CCDC7: variants seen among roughly 807,000 people sequenced by gnomAD.
CCDC7 encodes coiled-coil domain containing 7, also known as coiled-coil domain-containing protein 7.
In CCDC7, 183 loss-of-function variants were observed where a neutral mutation model predicts 196.9. The observed-to-expected ratio is 0.93, with a 90% CI of 0.82 to 1.05. The LOEUF (loss-of-function observed/expected upper bound fraction) is 1.05, where lower values mean the gene tolerates loss of function less well. Ranked by LOEUF, CCDC7 falls within the 50% of genes least tolerant of loss-of-function variation. The probability of loss-of-function intolerance (pLI) is 0.00; values close to 1 mark genes in which losing one functional copy is unlikely to be tolerated. For missense variants in CCDC7, 1,540 were observed against 1,482.2 expected (o/e 1.04, Z -0.64); for synonymous variants, 525 against 484.6 (o/e 1.08, Z -1.10).
chr10:32,606,419 T>C (rs2061563705), intron 18 of CCDC7, among the ~76,000 whole-genome samples: 1 of 152,170 alleles, frequency 6.6e-6, no homozygotes, highest in Admixed American at 6.5e-5. Context: ...AGGGGCACTG[T>C]CCTCCAGACC....
chr10:32,677,193 C>T (rs1591486863), intron 21 of CCDC7, among the ~76,000 whole-genome samples: 1 of 123,784 alleles, frequency 8.1e-6, no homozygotes, highest in African/African-American at 3.2e-5. Flanking sequence ...GGAAGGGGAA[C>T]ATCACACTCT....
chr10:32,686,421 G>C (rs2076472308), intron 22 of CCDC7, among the ~76,000 whole-genome samples: 2 of 152,164 alleles, frequency 1.3e-5, no homozygotes, highest in Non-Finnish European at 2.9e-5. Context: ...TCAGTAAGCT[G>C]TTTCCATTTG....
At chr10:32,865,349 C>T (rs1378411332) in intron 41 of CCDC7, among the ~76,000 whole-genome samples, 1 of 151,322 alleles carries the variant, frequency 6.6e-6, no homozygotes, top group Non-Finnish European at 1.5e-5. Flanking sequence ...ACAGTATTCA[C>T]CATTAGTCAT....
intron 18 of CCDC7, among the ~76,000 whole-genome samples, chr10:32,623,166 T>C (rs1262800376): frequency 2.0e-5 from 3 of 152,182 alleles, no homozygotes; most frequent in African/African-American, 7.2e-5. Flanking sequence ...ATTTTGTTTG[T>C]TACACAAAAT....
At chr10:32,702,698 G>T (rs2078963561) in intron 24 of CCDC7, among the ~76,000 whole-genome samples, 2 of 152,108 alleles carry the variant, frequency 1.3e-5, no homozygotes, top group South Asian at 2.1e-4. Context: ...ATGAATCTGG[G>T]TGCTCCTGTA....
At position 32,686,195 on chromosome 10, in the gene CCDC7, A is replaced by G; in HGVS notation, c.2233+115A>G. ...AGAAATTTTACCTTGAACCTAAAGT[A>G]TGAATACCATAAGATAACTAGAGAA... is the stretch of plus-strand genomic sequence containing the variant. On this transcript the variant is annotated intron_variant, in intron 22 of 41. Transcript: ENST00000639629. 7.3e-6 allele frequency: 4 copies of G among 548,846 alleles called. No homozygotes were observed. In the South Asian group the frequency reaches 9.4e-5, roughly 13 times the overall value. The allele number at this position is 548,846 out of a possible 1,614,324, so 34.0% of individuals were successfully genotyped here.
chr10:32,548,358 AGAGCAGGTGACCAGGGTGACTCAGGACG>A (rs2052853205), intron 13 of CCDC7, among the ~76,000 whole-genome samples: 1 of 152,202 alleles, frequency 6.6e-6, no homozygotes, highest in Non-Finnish European at 1.5e-5. Flanking sequence ...AATTCAGGTC[AGAGCAGGTGACCAGGGTGACTCAGGACG>A]GAGCAGGTGA....
At chr10:32,790,962 C>T (rs1423458380) in intron 29 of CCDC7, among the ~76,000 whole-genome samples, 2 of 152,080 alleles carry the variant, frequency 1.3e-5, no homozygotes, top group East Asian at 1.9e-4. Flanking sequence ...CATATCAGAC[C>T]CAACACCAAG....
At chr10:32,593,523 C>G (rs1258539670) in intron 18 of CCDC7, among the ~76,000 whole-genome samples, 1 of 152,132 alleles carries the variant, frequency 6.6e-6, no homozygotes, top group Non-Finnish European at 1.5e-5. Context: ...ATGATAGTTT[C>G]TTTTGCTGTG....
intron 33 of CCDC7, among the ~76,000 whole-genome samples, chr10:32,838,037 CA>C (rs1212604339): frequency 4.6e-5 from 7 of 151,998 alleles, no homozygotes; most frequent in Non-Finnish European, 1.0e-4. Flanking sequence ...AACAAACTTG[CA>C]CGTTGTGCAC....
chr10:32,623,587 C>T (rs764696775), intron 18 of CCDC7: 1 of 376,916 alleles, frequency 2.7e-6, no homozygotes, highest in South Asian at 2.0e-5. Context: ...CCCTTAGTTG[C>T]CTTACCTCAA....
At chr10:32,593,799 A>C (rs1385140067) in intron 18 of CCDC7, among the ~76,000 whole-genome samples, 1 of 152,166 alleles carries the variant, frequency 6.6e-6, no homozygotes, top group African/African-American at 2.4e-5. Context: ...CATTTATTAA[A>C]TAGGGAATCC....
chr10:32,643,646 TTC>T (rs1287362912), intron 20 of CCDC7, among the ~76,000 whole-genome samples: 6 of 152,004 alleles, frequency 3.9e-5, no homozygotes, highest in African/African-American at 7.2e-5. Flanking sequence ...AATCAATTAT[TTC>T]TGTTTTAAAA....
chr10:32,561,144 A>G (rs2055522856), intron 13 of CCDC7, among the ~76,000 whole-genome samples: 1 of 152,248 alleles, frequency 6.6e-6, no homozygotes, highest in South Asian at 2.1e-4. Context: ...CATCCAATAC[A>G]GGAACACCCA....
intron 16 of CCDC7, chr10:32,574,560 TACA>T: frequency 7.9e-7 from 1 of 1,260,566 alleles, no homozygotes; most frequent in Non-Finnish European, 1.0e-6. Flanking sequence ...TTTTGCTCTT[TACA>T]ACATTTATCA....
chr10:32,603,774 T>C (rs1228431833), intron 18 of CCDC7, among the ~76,000 whole-genome samples: 1 of 152,128 alleles, frequency 6.6e-6, no homozygotes, highest in Non-Finnish European at 1.5e-5. Flanking sequence ...TCTATTTAGA[T>C]TTTTTGCCCA....
At chr10:32,721,264 T>G (rs1394555066) in intron 25 of CCDC7, among the ~76,000 whole-genome samples, 1 of 152,142 alleles carries the variant, frequency 6.6e-6, no homozygotes, top group Non-Finnish European at 1.5e-5. Flanking sequence ...CCAAAATTTG[T>G]CTCATGAAGA....
intron 3 of CCDC7, among the ~76,000 whole-genome samples, chr10:32,460,555 A>T (rs189280421): frequency 6.6e-6 from 1 of 152,292 alleles, no homozygotes; most frequent in East Asian, 1.9e-4. Flanking sequence ...GGAAGTTTTG[A>T]GAACCCCGGA....
At chr10:32,607,875 A>C (rs940632192) in intron 18 of CCDC7, among the ~76,000 whole-genome samples, 2 of 152,074 alleles carry the variant, frequency 1.3e-5, no homozygotes, top group Admixed American at 6.5e-5. Context: ...GAATAGTTTG[A>C]GAAGAATTGG....
Sources: gnomAD v4.1 joint callset for allele counts (sites outside exome capture counted in the v4.1 genomes callset) on GRCh38, gnomAD v4.1.1 for gene constraint, MANE v1.5 for transcripts, NCBI Gene and HGNC (gene_info 2026-07-23, HGNC 2026-07-21) for gene names.